TRIP11: variants seen among roughly 807,000 people sequenced by gnomAD.
The protein encoded by TRIP11 is thyroid receptor-interacting protein 11.
A neutral mutation model predicts 223.1 loss-of-function variants in TRIP11; 148 were observed. The observed-to-expected ratio is 0.66, with a 90% CI of 0.58 to 0.76. The LOEUF is 0.76. Ranked by LOEUF, TRIP11 falls within the 30% of genes least tolerant of loss-of-function variation. The pLI, the probability that TRIP11 is intolerant of heterozygous loss-of-function variation, is 0.00. For missense variants in TRIP11, 2,043 were observed against 2,222.0 expected (o/e 0.92, Z 1.62); for synonymous variants, 762 against 772.6 (o/e 0.99, Z 0.23).
At chr14:92,006,534 G>T in intron 10 of TRIP11, 86 bp from the exon 11 acceptor site, 1 of 1,353,608 alleles carries the variant, frequency 7.4e-7, no homozygotes, top group Non-Finnish European at 1.0e-6. Flanking sequence ...ATACATAATA[G>T]AAAATAATCC....
chr14:92,031,298 T>C (rs1235663717), intron 2 of TRIP11, among the ~76,000 whole-genome samples: 1 of 151,962 alleles, frequency 6.6e-6, no homozygotes, highest in Non-Finnish European at 1.5e-5. Context: ...TTTGTATTTT[T>C]AGTAGAGACA....
intron 15 of TRIP11, among the ~76,000 whole-genome samples, chr14:91,988,633 T>TAAAAAAAAAAAAAAAAAAAAAAAAAAAA (rs749287959): frequency 1.0e-5 from 1 of 99,518 alleles, no homozygotes. Context: ...ATGACAGAAG[T>TAAAAAAAAAAAAAAAAAAAAAAAAAAAA]AAAAAAAAAA....
At chr14:92,019,058 T>C (rs1267425258) in intron 4 of TRIP11, among the ~76,000 whole-genome samples, 1 of 151,832 alleles carries the variant, frequency 6.6e-6, no homozygotes, top group African/African-American at 2.4e-5. Flanking sequence ...TAATAATATA[T>C]TGGGATAATA....
At chr14:92,002,500 C>G (rs1461002625) in intron 11 of TRIP11, among the ~76,000 whole-genome samples, 7 of 151,814 alleles carry the variant, frequency 4.6e-5, no homozygotes, top group Non-Finnish European at 1.0e-4. Flanking sequence ...ATGAGTCACT[C>G]AGCACATTTT....
At chr14:92,029,292 T>A (rs1252842700) in intron 2 of TRIP11, among the ~76,000 whole-genome samples, 1,649 of 72,376 alleles carry the variant, frequency 0.023, 28 homozygotes, top group African/African-American at 0.054. Context: ...TTTTTTTTTT[T>A]TTTTTTTTTT....
At position 91,976,355 on chromosome 14, in the gene TRIP11, G is replaced by A. The variant is rs530266592; in HGVS notation, c.5261-166C>T. ...TCTCTTCTTTGGTCCAGGGAACTAG[G>A]CTCTCATATAGAAATCCTCTAAAAG... On this transcript the variant is annotated intron_variant, in intron 16 of 20. Coordinates refer to ENST00000267622, the MANE Select transcript of TRIP11 (RefSeq NM_004239.4). 3.3e-5 allele frequency among the ~76,000 whole-genome samples: 5 copies of A among 152,166 alleles called. No individual in the cohort carries two copies. The East Asian group carries it at 9.6e-4, about 29-fold the overall frequency.
Position 91,974,749 on chromosome 14 carries a change from A to G in TRIP11, c.5458-6T>C. 1 of 1,602,414 alleles carries G rather than the reference A, an allele frequency of 6.2e-7. No individual in the cohort carries two copies. Among genetic ancestry groups the G allele is most frequent in the Non-Finnish European group, 8.5e-7 (1 of 1,170,750 alleles). On this transcript the variant is annotated splice_region_variant and splice_polypyrimidine_tract_variant and intron_variant, in intron 18 of 20. Transcript: ENST00000267622. ...CCCTGATCGTCATGAAACAACTGAAAGATTATTTTAAAACAGACAAATATT... is the reference window on the plus strand; with the variant it reads ...CCCTGATCGTCATGAAACAACTGAAGGATTATTTTAAAACAGACAAATATT...
In TRIP11 at chr14:92,004,472, T is replaced by C; in HGVS notation, c.3504A>G (p.Glu1168=). Residue 1168 remains glutamate (E), a synonymous_variant, in exon 11 of 21, where the codon GAA becomes GAG. Transcript: ENST00000267622. The stretch of plus-strand genomic sequence containing the variant: ...TTAGTGCATCTATTTCGATGTCTTT[T>C]TCTCGAATGATACGTGATAAATTCT... ...TIQNLSRIIR[E]KDIEIDALSQ... 1 of 1,613,660 alleles carries C rather than the reference T, an allele frequency of 6.2e-7. No individual in the cohort carries two copies.
Position 91,972,717 on chromosome 14 carries a change from C to G in TRIP11, c.5719G>C (p.Asp1907His). Residue 1907 changes from aspartate (D) to histidine (H), a missense_variant and splice_region_variant, in exon 20 of 21, where the codon GAT becomes CAT. Transcript: ENST00000267622. Reference sequence around the variant, plus strand: ...AGAAAAATTAAATCTCTAGTTTTACCTTTAAAACTTTCTGGTGCATTTGTA... The same window carrying G: ...AGAAAAATTAAATCTCTAGTTTTACGTTTAAAACTTTCTGGTGCATTTGTA... ...RDTNAPESFKDTAESRSGRRT... is the reference protein window; with the variant it reads ...RDTNAPESFKHTAESRSGRRT... The G allele has an allele frequency of 6.2e-7, 1 of 1,607,092 alleles. No individual in the cohort carries two copies. The highest frequency in any genetic ancestry group is 8.5e-7 in the Non-Finnish European group (1 of 1,177,154).
chr14:92,011,558 A>T (rs2056974136), intron 8 of TRIP11, among the ~76,000 whole-genome samples, 197 bp downstream of exon 8: 1 of 151,372 alleles, frequency 6.6e-6, no homozygotes, highest in African/African-American at 2.4e-5. Context: ...CCAGTCATGC[A>T]TTTTCGACAC....
rs1432250244 is a variant in TRIP11, at chr14:92,026,737, G to T, written c.202-1317C>A. On this transcript the variant is annotated intron_variant, in intron 2 of 20. Coordinates refer to ENST00000267622, the MANE Select transcript of TRIP11 (RefSeq NM_004239.4). ...TGAAGAACAGGAAGAAGGTGGGGAG[G>T]AAGAGGAGGAGGAAGAAGAAGGTGA... 6.7e-5 allele frequency: 71 copies of T among 1,057,782 alleles called. 1 individual carries two copies. The highest frequency in any genetic ancestry group is 2.7e-4 in the South Asian group (21 of 78,680). The allele number at this position is 1,057,782 out of a possible 1,614,324, so 65.5% of individuals were successfully genotyped here. A position where few individuals can be genotyped will look rare whatever the true frequency, so the allele number is the denominator to read the frequency against.
chr14:91,968,329 C>G lies in TRIP11; in HGVS notation c.*1344G>C, dbSNP rs1435897667. 4.9e-6 allele frequency: 1 copy of G among 204,210 alleles called. No homozygotes were observed. The highest frequency in any genetic ancestry group is 9.9e-6 in the Non-Finnish European group (1 of 100,504). 12.6% of individuals were successfully genotyped at this position (204,210 alleles called of 1,614,324 possible). A position where few individuals can be genotyped will look rare whatever the true frequency, so the allele number is the denominator to read the frequency against. ...ATCCAGATACAGTTAAGTTTCAAGT[C>G]GGGATTTTTTTTTTATGATGGGTTT... On this transcript the variant is annotated 3_prime_UTR_variant, in exon 21 of 21. Transcript: ENST00000267622.
chr14:92,011,887 T>G, intron 7 of TRIP11, 92 bp from the exon 8 acceptor site: 2 of 1,179,068 alleles, frequency 1.7e-6, no homozygotes, highest in South Asian at 1.3e-5. Context: ...CCAATTAAAG[T>G]GTATATAAGC....
chr14:92,014,771 T>C (rs1288351757), intron 6 of TRIP11, among the ~76,000 whole-genome samples, 194 bp from the exon 7 acceptor site: 1 of 152,216 alleles, frequency 6.6e-6, no homozygotes, highest in Non-Finnish European at 1.5e-5. Flanking sequence ...AAGGCCTATG[T>C]ATCTTAGTTT....
At chr14:91,996,158 C>CA (rs759077788) in intron 13 of TRIP11, among the ~76,000 whole-genome samples, 10 of 152,312 alleles carry the variant, frequency 6.6e-5, no homozygotes, top group Admixed American at 5.2e-4. Context: ...AGTAATTCCC[C>CA]TTTCCCTTGA....
chr14:92,018,866 C>T (rs920474857), intron 4 of TRIP11, among the ~76,000 whole-genome samples: 6 of 145,380 alleles, frequency 4.1e-5, no homozygotes, highest in African/African-American at 1.3e-4. Flanking sequence ...GTGGCTGAGG[C>T]AGGAGAATTG....
intron 4 of TRIP11, among the ~76,000 whole-genome samples, chr14:92,019,830 A>G (rs1329585450): frequency 6.6e-6 from 1 of 152,224 alleles, no homozygotes; most frequent in Non-Finnish European, 1.5e-5. Flanking sequence ...TTCACACACA[A>G]GTTATATAAT....
At position 91,968,855 on chromosome 14, in the gene TRIP11, G is replaced by A. The variant is rs1274667005; in HGVS notation, c.*818C>T. 4.3e-6 allele frequency: 1 copy of A among 233,304 alleles called. No homozygotes were observed. Among genetic ancestry groups the A allele is most frequent in the Non-Finnish European group, 8.5e-6 (1 of 117,404 alleles). The allele number at this position is 233,304 out of a possible 1,614,324, so 14.5% of individuals were successfully genotyped here. A position where few individuals can be genotyped will look rare whatever the true frequency, so the allele number is the denominator to read the frequency against. ...AAGTGGTTGTCAGGGATTAAGGAGA[G>A]GGCCAGGGAGAGAGGTGGCAATGAT... is the stretch of plus-strand genomic sequence containing the variant. On this transcript the variant is annotated 3_prime_UTR_variant, in exon 21 of 21. Coordinates refer to ENST00000267622, the MANE Select transcript of TRIP11 (RefSeq NM_004239.4).
At chr14:92,036,553 C>A (rs1328419947) in intron 1 of TRIP11, among the ~76,000 whole-genome samples, 1 of 152,230 alleles carries the variant, frequency 6.6e-6, no homozygotes, top group African/African-American at 2.4e-5. Flanking sequence ...AAAGCCCAAG[C>A]TCCTAACCTT....
Sources: allele counts gnomAD v4.1 joint callset (sites outside exome capture counted in the v4.1 genomes callset), GRCh38; gene constraint gnomAD v4.1.1; transcripts MANE v1.5; gene names NCBI Gene and HGNC (gene_info 2026-07-23, HGNC 2026-07-21).